Variants in ELMOD1 observed in about 807,000 individuals in gnomAD.
The protein encoded by ELMOD1 is ELMO domain-containing protein 1.
ELMOD1 carries 21 observed loss-of-function variants against 46.7 expected under a neutral mutation model. The observed-to-expected ratio is 0.45, with a 90% CI of 0.32 to 0.65. The LOEUF (loss-of-function observed/expected upper bound fraction) is 0.65, where lower values mean the gene tolerates loss of function less well. Among genes scored for constraint, ELMOD1 ranks in the 30% least tolerant of loss-of-function variants. The pLI is 0.04. For synonymous variants in ELMOD1, 122 were observed against 138.2 expected (o/e 0.88, Z 0.82); for missense variants, 348 against 407.8 (o/e 0.85, Z 1.26).
chr11:107,599,202 A>G lies in ELMOD1; in HGVS notation c.-86+7793A>G, dbSNP rs115877429. The stretch of plus-strand genomic sequence containing the variant: ...AAAAATTGATTTAGTACAGAGATGA[A>G]GTGTTGGGATAAGAAAGGATACTTT... On this transcript the variant is annotated intron_variant, in intron 1 of 11. Coordinates refer to ENST00000265840, the MANE Select transcript of ELMOD1 (RefSeq NM_018712.4). Among the ~76,000 whole-genome samples, 474 of 152,250 alleles carry G rather than the reference A, an allele frequency of 3.1e-3. 1 individual carries two copies. Among genetic ancestry groups the G allele is most frequent in the African/African-American group, 0.011 (451 of 41,552 alleles).
At position 107,607,822 on chromosome 11, in the gene ELMOD1, A is replaced by C. The variant is rs560796693; in HGVS notation, c.-85-10283A>C. Among the ~76,000 whole-genome samples the C allele has an allele frequency of 2.6e-5, 4 of 152,292 alleles. No homozygotes were observed. In the East Asian group the frequency reaches 7.7e-4, roughly 29 times the overall value. Reference sequence around the variant, plus strand: ...TTATGAGTCTGTGATTCTACATGTCATTCTTTTCTTTCTTCTTTCACCTGA... The same window carrying C: ...TTATGAGTCTGTGATTCTACATGTCCTTCTTTTCTTTCTTCTTTCACCTGA... On this transcript the variant is annotated intron_variant, in intron 1 of 11. Transcript: ENST00000265840.
chr11:107,664,879 G>C, intron 11 of ELMOD1, 146 bp from the exon 12 acceptor site: 2 of 704,432 alleles, frequency 2.8e-6, no homozygotes, highest in Non-Finnish European at 4.7e-6. Flanking sequence ...CTTAAACAGT[G>C]GTATTTTCTA....
At chr11:107,628,674 C>G (rs189825906) in intron 2 of ELMOD1, among the ~76,000 whole-genome samples, 7 of 151,716 alleles carry the variant, frequency 4.6e-5, no homozygotes, top group African/African-American at 1.7e-4. Flanking sequence ...ATCTGGTTGA[C>G]TTTGTACTGA....
intron 6 of ELMOD1, among the ~76,000 whole-genome samples, chr11:107,641,686 A>C (rs1452598653): frequency 6.6e-6 from 1 of 152,194 alleles, no homozygotes; most frequent in African/African-American, 2.4e-5. Context: ...AATCCTGTCC[A>C]AGTATGCTAG....
chr11:107,635,500 AATAG>A, intron 5 of ELMOD1, 132 bp from the exon 6 acceptor site: 1 of 891,030 alleles, frequency 1.1e-6, no homozygotes, highest in Non-Finnish European at 1.6e-6. Flanking sequence ...GCTTCTATTA[AATAG>A]ATCATCTTTG....
Position 107,613,415 on chromosome 11 carries a change from T to C in ELMOD1, c.-85-4690T>C, listed in dbSNP as rs1865811786. Among the ~76,000 whole-genome samples the C allele has an allele frequency of 4.6e-5, 7 of 152,308 alleles. No homozygotes were observed. The South Asian group carries it at 1.5e-3, about 32-fold the overall frequency. On this transcript the variant is annotated intron_variant, in intron 1 of 11. Transcript: ENST00000265840. Reference sequence around the variant, plus strand: ...TAGTGGTAGATCCTAGACAAGAACTTTGTCTCCAAAACTTGTGCTCTCAAC... The same window carrying C: ...TAGTGGTAGATCCTAGACAAGAACTCTGTCTCCAAAACTTGTGCTCTCAAC...
At chr11:107,612,274 A>G (rs932508595) in intron 1 of ELMOD1, among the ~76,000 whole-genome samples, 1 of 152,154 alleles carries the variant, frequency 6.6e-6, no homozygotes, top group African/African-American at 2.4e-5. Flanking sequence ...AAAATACCAG[A>G]TGTTCTCACT....
At chr11:107,651,324 C>T (rs2135710075) in intron 9 of ELMOD1, among the ~76,000 whole-genome samples, 1 of 152,286 alleles carries the variant, frequency 6.6e-6, no homozygotes, top group South Asian at 2.1e-4. Context: ...GTGTGTTAGT[C>T]ACTCTTCTTA....
intron 6 of ELMOD1, among the ~76,000 whole-genome samples, chr11:107,639,073 C>G (rs944555420): frequency 6.6e-6 from 1 of 152,042 alleles, no homozygotes; most frequent in Non-Finnish European, 1.5e-5. Flanking sequence ...TCACTTGTGC[C>G]CAGGAAGTCA....
At chr11:107,613,437 C>T (rs1865812048) in intron 1 of ELMOD1, among the ~76,000 whole-genome samples, 1 of 152,198 alleles carries the variant, frequency 6.6e-6, no homozygotes, top group Admixed American at 6.5e-5. Context: ...CTTGTGCTCT[C>T]AACCACCATG....
intron 1 of ELMOD1, among the ~76,000 whole-genome samples, chr11:107,608,362 A>AG (rs1017738728): frequency 1.3e-4 from 20 of 152,084 alleles, no homozygotes; most frequent in Admixed American, 5.2e-4. Context: ...TCTTTAAAAA[A>AG]AAACATATTT....
chr11:107,596,575 T>C (rs2135643913), intron 1 of ELMOD1, among the ~76,000 whole-genome samples: 1 of 152,292 alleles, frequency 6.6e-6, no homozygotes, highest in East Asian at 1.9e-4. Flanking sequence ...TAATTGCTTT[T>C]AGTTGAGAAG....
intron 1 of ELMOD1, among the ~76,000 whole-genome samples, chr11:107,599,755 A>AAAAAAAAAAAAAAAAAAAAG (rs1555058610): frequency 1.4e-5 from 2 of 138,822 alleles, no homozygotes; most frequent in African/African-American, 6.1e-5. Context: ...AAAAAAAGAA[A>AAAAAAAAAAAAAAAAAAAAG]AAAAGAAAAG....
intron 1 of ELMOD1, among the ~76,000 whole-genome samples, chr11:107,593,991 T>C (rs1435396171): frequency 1.3e-5 from 2 of 152,126 alleles, no homozygotes; most frequent in African/African-American, 4.8e-5. Flanking sequence ...CTTCAACACA[T>C]ATTGGTTGGG....
At chr11:107,664,973 A>T in intron 11 of ELMOD1, 52 bp from the exon 12 acceptor site, 1 of 1,529,354 alleles carries the variant, frequency 6.5e-7, no homozygotes. Flanking sequence ...TTTGAATGTG[A>T]TTAAGGATTT....
intron 1 of ELMOD1, chr11:107,592,993 G>A (rs943112249): frequency 2.0e-5 from 3 of 152,564 alleles, no homozygotes; most frequent in African/African-American, 7.2e-5. Flanking sequence ...TAAGCCTCCA[G>A]TACAGGATGC....
chr11:107,662,239 G>C (rs954656422), intron 11 of ELMOD1, among the ~76,000 whole-genome samples: 13 of 152,158 alleles, frequency 8.5e-5, no homozygotes, highest in Non-Finnish European at 1.6e-4. Flanking sequence ...AAACTCCTGG[G>C]CTCAAGTGAT....
chr11:107,656,447 A>G (rs1012525738), intron 11 of ELMOD1, among the ~76,000 whole-genome samples: 9 of 147,960 alleles, frequency 6.1e-5, no homozygotes, highest in Non-Finnish European at 7.4e-5. Context: ...CATGATATAT[A>G]TAAAAATATA....
At chr11:107,644,908 G>C (rs1234362173) in intron 6 of ELMOD1, among the ~76,000 whole-genome samples, 1 of 127,008 alleles carries the variant, frequency 7.9e-6, no homozygotes. Flanking sequence ...TTCCTAAAGG[G>C]TTTTTGTTTT....
Sources: allele counts gnomAD v4.1 joint callset (sites outside exome capture counted in the v4.1 genomes callset), GRCh38; gene constraint gnomAD v4.1.1; transcripts MANE v1.5; gene names NCBI Gene and HGNC (gene_info 2026-07-23, HGNC 2026-07-21).